The following HERC2 variants were observed in gnomAD, a reference collection of about 807,000 sequenced individuals.
HERC2 encodes HECT and RLD domain containing E3 ubiquitin protein ligase 2.
A neutral mutation model predicts 537.7 loss-of-function variants in HERC2; 102 were observed. That is an observed-to-expected ratio of 0.19 (90% CI 0.16 to 0.22). The LOEUF (loss-of-function observed/expected upper bound fraction) is 0.22, where lower values mean the gene tolerates loss of function less well. Ranked by LOEUF, HERC2 falls within the 10% of genes least tolerant of loss-of-function variation. HERC2 has a pLI of 1.00. For synonymous variants in HERC2, 2,224 were observed against 2,466.2 expected (o/e 0.90, Z 2.91); for missense variants, 4,236 against 6,198.2 (o/e 0.68, Z 10.63).
chr15:28,230,971 A>G (rs1393894163), intron 30 of HERC2, among the ~76,000 whole-genome samples: 1 of 152,140 alleles, frequency 6.6e-6, no homozygotes, highest in East Asian at 1.9e-4. Context: ...TCAAACTGAA[A>G]AAAAAAAAGG....
Position 28,273,159 on chromosome 15 carries a change from T to C in HERC2, c.801-155A>G, listed in dbSNP as rs1352743398. ...TTCTGATACTTGCTACTCAAATTTA[T>C]TCAGAGATTATAAGTGTACAATTAG... On this transcript the variant is annotated intron_variant, in intron 7 of 92. Transcript: ENST00000261609. 6 of 655,804 alleles carry C rather than the reference T, an allele frequency of 9.1e-6. No individual in the cohort carries two copies. The Admixed American group carries it at 1.2e-4, about 13-fold the overall frequency. 40.6% of individuals were successfully genotyped at this position (655,804 alleles called of 1,614,324 possible).
At position 28,246,785 on chromosome 15, in the gene HERC2, C is replaced by A; in HGVS notation, c.3348G>T (p.Arg1116=). ...CAATGTAAGCCACCTCCGCGAAGTG[C>A]CGCCAGCTGGTAGAAGCAATGCTGG... The part of the protein sequence containing the change: ...VAASIASTSW[R]HFAEVAYIVE... The change falls in exon 22 of 93, where the codon CGG becomes CGT. Residue 1116 remains arginine (R), a synonymous_variant. Coordinates refer to ENST00000261609, the MANE Select transcript of HERC2 (RefSeq NM_004667.6). The A allele has an allele frequency of 6.2e-7, 1 of 1,607,916 alleles. No individual in the cohort carries two copies. The highest frequency in any genetic ancestry group is 8.5e-7 in the Non-Finnish European group (1 of 1,177,160).
At chr15:28,151,998 T>A (rs866986340) in intron 70 of HERC2, among the ~76,000 whole-genome samples, 1 of 152,178 alleles carries the variant, frequency 6.6e-6, no homozygotes. Context: ...CATGGGCCAA[T>A]AGCCTCGGGT....
chr15:28,256,886 C>T (rs1417572827), intron 17 of HERC2, among the ~76,000 whole-genome samples, 175 bp downstream of exon 17: 5 of 152,206 alleles, frequency 3.3e-5, no homozygotes, highest in African/African-American at 9.7e-5. Flanking sequence ...TGAGCCACCG[C>T]GCCCAGCCCA....
chr15:28,310,162 G>A (rs2076901638), intron 2 of HERC2, among the ~76,000 whole-genome samples: 1 of 152,206 alleles, frequency 6.6e-6, no homozygotes, highest in Non-Finnish European at 1.5e-5. Flanking sequence ...AAATTAGCCA[G>A]AAAGCTGAGC....
intron 56 of HERC2, among the ~76,000 whole-genome samples, chr15:28,184,663 C>T (rs1344884764): frequency 6.6e-6 from 1 of 151,914 alleles, no homozygotes; most frequent in Non-Finnish European, 1.5e-5. Context: ...AGATCGAGAT[C>T]ATCCTGGCTA....
At chr15:28,131,116 T>C (rs1333364445) in intron 81 of HERC2, among the ~76,000 whole-genome samples, 6 of 152,176 alleles carry the variant, frequency 3.9e-5, no homozygotes, top group Admixed American at 1.3e-4. Context: ...TGCTCTCATA[T>C]GTAAGTTCTT....
rs187585476 is a variant in HERC2, at chr15:28,214,255, G to A, written c.6376C>T (p.Arg2126Cys). Reference protein sequence around the residue: ...PLLRESTLRRRRVRPQASLTA... With the variant: ...PLLRESTLRRCRVRPQASLTA... ...AGCGAGGCCTGCGGGCGCACCCTGC[G>A]CCGCCTCAGCGTGGACTCTGAGGAG... The change falls in exon 41 of 93, where the codon CGC (arginine) becomes TGC (cysteine). Residue 2126 changes from arginine to cysteine, a missense_variant. By Grantham distance (180) the Arg-to-Cys change is radical (BLOSUM62 -3). This residue lies in a region of HERC2 where 365 missense variants were observed against 468.8 expected (regional missense o/e 0.78). Coordinates refer to ENST00000261609, the MANE Select transcript of HERC2 (RefSeq NM_004667.6). The A allele has an allele frequency of 3.5e-4, 558 of 1,611,410 alleles. 2 individuals carry two copies. The highest frequency in any genetic ancestry group is 4.0e-4 in the East Asian group (18 of 44,870).
rs759989243 is a variant in HERC2 at position 28,238,605 on chromosome 15, G to T, written c.3745C>A (p.Leu1249Ile). Residue 1249 changes from leucine to isoleucine, a missense_variant, in exon 24 of 93, where the codon CTT becomes ATT. This residue lies in a region of HERC2 where 754 missense variants were observed against 1,085.0 expected (regional missense o/e 0.69). Coordinates refer to ENST00000261609, the MANE Select transcript of HERC2 (RefSeq NM_004667.6). Reference protein sequence around the residue: ...QTQSLTGNSILAQFAGEDPVV... With the variant: ...QTQSLTGNSIIAQFAGEDPVV... ...GAAATAACAAGTGTAATCTTACCAA[G>T]AATACTATTTCCTGTTAACGACTGT... 2 of 1,609,048 alleles carry T rather than the reference G, an allele frequency of 1.2e-6. No individual in the cohort carries two copies. Among genetic ancestry groups the T allele is most frequent in the African/African-American group, 2.7e-5 (2 of 74,828 alleles).
At chr15:28,276,989 TG>T (rs1181350767) in intron 5 of HERC2, among the ~76,000 whole-genome samples, 1 of 152,148 alleles carries the variant, frequency 6.6e-6, no homozygotes, top group African/African-American at 2.4e-5. Context: ...ATGAGGTGAC[TG>T]CTTGAGTCCA....
chr15:28,244,137 C>A (rs2140773093), intron 23 of HERC2, among the ~76,000 whole-genome samples: 1 of 152,226 alleles, frequency 6.6e-6, no homozygotes, highest in Middle Eastern at 3.4e-3. Flanking sequence ...GCATTCCAGC[C>A]TGGATGACAC....
intron 2 of HERC2, among the ~76,000 whole-genome samples, chr15:28,303,464 A>G (rs1486827377): frequency 6.6e-6 from 1 of 152,222 alleles, no homozygotes; most frequent in East Asian, 1.9e-4. Context: ...ACTGTAGTAT[A>G]ATTTTAAGTC....
At chr15:28,192,372 T>C (rs1204633675) in intron 52 of HERC2, among the ~76,000 whole-genome samples, 2 of 152,074 alleles carry the variant, frequency 1.3e-5, no homozygotes, top group Non-Finnish European at 2.9e-5. Flanking sequence ...TACTAAAACC[T>C]CCCAGGGAAC....
chr15:28,147,359 T>C (rs1891857398), intron 70 of HERC2, among the ~76,000 whole-genome samples: 1 of 152,354 alleles, frequency 6.6e-6, no homozygotes, highest in Admixed American at 6.5e-5. Context: ...CCAGATGTAG[T>C]GGTACACTCC....
chr15:28,219,849 C>T (rs148898479), intron 37 of HERC2, among the ~76,000 whole-genome samples: 38 of 152,338 alleles, frequency 2.5e-4, no homozygotes, highest in African/African-American at 8.9e-4. Context: ...TTAGGAACAG[C>T]TAAGAAATGT....
intron 2 of HERC2, among the ~76,000 whole-genome samples, chr15:28,308,514 T>C (rs2076854335): frequency 6.6e-6 from 1 of 152,246 alleles, no homozygotes; most frequent in African/African-American, 2.4e-5. Context: ...ATTTGACTTC[T>C]TCCTTTCCAA....
At chr15:28,171,927 T>G (rs1894740220) in intron 65 of HERC2, among the ~76,000 whole-genome samples, 1 of 151,852 alleles carries the variant, frequency 6.6e-6, no homozygotes, top group Admixed American at 6.6e-5. Flanking sequence ...ACAAAAAAAT[T>G]AGCCGGGCGT....
At chr15:28,281,176 C>T (rs561432491) in intron 4 of HERC2, among the ~76,000 whole-genome samples, 3 of 152,154 alleles carry the variant, frequency 2.0e-5, no homozygotes, top group Admixed American at 1.3e-4. Context: ...ATATTATTCT[C>T]TCTTCTTCTA....
At chr15:28,115,796 ATTC>A (rs529344035) in intron 88 of HERC2, among the ~76,000 whole-genome samples, 228 of 152,324 alleles carry the variant, frequency 1.5e-3, no homozygotes, top group African/African-American at 5.2e-3. Context: ...ACAGTGGCCA[ATTC>A]TTCTTCTTAT....
Sources: gnomAD v4.1 joint callset for allele counts (sites outside exome capture counted in the v4.1 genomes callset) on GRCh38, gnomAD v4.1.1 for gene constraint, gnomAD v4.1.1 regional missense constraint, MANE v1.5 for transcripts, NCBI Gene and HGNC (gene_info 2026-07-23, HGNC 2026-07-21) for gene names.